TENM3: variants seen among roughly 807,000 people sequenced by gnomAD.
TENM3 encodes the protein teneurin-3.
Under a neutral mutation model 255.1 loss-of-function variants are expected in TENM3, and 63 were observed. That is an observed-to-expected ratio of 0.25 (90% CI 0.20 to 0.30). The LOEUF (loss-of-function observed/expected upper bound fraction) is 0.30, where lower values mean the gene tolerates loss of function less well. TENM3 is among the 10% of genes least tolerant of loss of function. TENM3 has a pLI of 1.00. For synonymous variants in TENM3, 1,306 were observed against 1,322.3 expected (o/e 0.99, Z 0.27); for missense variants, 2,929 against 3,461.1 (o/e 0.85, Z 3.86).
the TENM3 span, among the ~76,000 whole-genome samples, chr4:181,472,148 A>C: frequency 1.3e-5 from 2 of 152,168 alleles, no homozygotes; most frequent in African/African-American, 2.4e-5. Flanking sequence ...GAGCCCCAAC[A>C]AGGCCTATAG....
chr4:182,011,853 A>G, the TENM3 span, among the ~76,000 whole-genome samples: 1 of 152,186 alleles, frequency 6.6e-6, no homozygotes, highest in Non-Finnish European at 1.5e-5. Flanking sequence ...ACTTTCAAGG[A>G]TAGGTCATAT....
At position 182,295,022 on chromosome 4, in the gene TENM3, T is replaced by A. The variant is rs560633722; in HGVS notation, c.-75-28924T>A. On this transcript the variant is annotated intron_variant, in intron 1 of 27. Transcript: ENST00000511685. ...GAGTGGGTGGGGGCAGGGGCTACAG[T>A]TTGACATTTTGATAAAGAATTGGGA... Among the ~76,000 whole-genome samples, 10 of 152,024 alleles carry A rather than the reference T, an allele frequency of 6.6e-5. No homozygotes were observed. In the South Asian group the frequency reaches 2.1e-3, roughly 32 times the overall value.
chr4:182,626,879 G>A (rs1253932833), intron 4 of TENM3, among the ~76,000 whole-genome samples: 3 of 151,870 alleles, frequency 2.0e-5, no homozygotes, highest in East Asian at 3.9e-4. Context: ...CTCTAGTTTT[G>A]CAACCCTGTT....
intron 1 of TENM3, among the ~76,000 whole-genome samples, chr4:182,269,100 C>G (rs1759443858): frequency 6.6e-6 from 1 of 152,130 alleles, no homozygotes. Flanking sequence ...AAATGACTCA[C>G]AATATTAATA....
chr4:182,038,322 A>T, the TENM3 span, among the ~76,000 whole-genome samples: 1 of 152,246 alleles, frequency 6.6e-6, no homozygotes, highest in Non-Finnish European at 1.5e-5. Context: ...TTATTTATAA[A>T]TATAAATAAT....
chr4:181,649,260 A>C, the TENM3 span, among the ~76,000 whole-genome samples: 1 of 152,216 alleles, frequency 6.6e-6, no homozygotes, highest in Non-Finnish European at 1.5e-5. Context: ...CTTTTCCGTC[A>C]GTGATTGAGG....
At chr4:181,644,975 C>T in the TENM3 span, among the ~76,000 whole-genome samples, 1 of 151,828 alleles carries the variant, frequency 6.6e-6, no homozygotes, top group Non-Finnish European at 1.5e-5. Flanking sequence ...GGAGGTTGCC[C>T]TAGACCATGT....
chr4:181,492,260 T>C, the TENM3 span, among the ~76,000 whole-genome samples: 1 of 152,200 alleles, frequency 6.6e-6, no homozygotes, highest in Non-Finnish European at 1.5e-5. Context: ...CTTGTACACA[T>C]TTTGAGAAAA....
chr4:182,448,961 T>G, intron 3 of TENM3: 1 of 394,452 alleles, frequency 2.5e-6, no homozygotes, highest in Non-Finnish European at 5.1e-6. Context: ...CTATCATGTC[T>G]GGCCGCCGCG....
At chr4:182,431,029 A>AAATG (rs1771597302) in intron 3 of TENM3, among the ~76,000 whole-genome samples, 1 of 90,814 alleles carries the variant, frequency 1.1e-5, no homozygotes, top group Non-Finnish European at 2.3e-5. Context: ...ATAAATAAAT[A>AAATG]AATAAATAAA....
chr4:182,346,155 TAAG>T (rs377426625), intron 2 of TENM3, among the ~76,000 whole-genome samples: 66 of 152,184 alleles, frequency 4.3e-4, no homozygotes, highest in African/African-American at 1.3e-3. Flanking sequence ...CGGAAAAATA[TAAG>T]AAGAATGACC....
the TENM3 span, among the ~76,000 whole-genome samples, chr4:181,450,755 G>A: frequency 7.2e-5 from 11 of 152,248 alleles, no homozygotes; most frequent in African/African-American, 2.2e-4. Context: ...CTACATGCGC[G>A]ATTCTAGAAC....
At chr4:182,164,087 T>C (rs1314873659) in intron 1 of TENM3, among the ~76,000 whole-genome samples, 1 of 152,146 alleles carries the variant, frequency 6.6e-6, no homozygotes, top group Non-Finnish European at 1.5e-5. Flanking sequence ...GAGCACCAAA[T>C]CACCAAATGA....
At chr4:181,936,421 G>C in the TENM3 span, among the ~76,000 whole-genome samples, 1 of 152,098 alleles carries the variant, frequency 6.6e-6, no homozygotes, top group East Asian at 1.9e-4. Flanking sequence ...TGTGAGAGTG[G>C]CTGATAGGTA....
At chr4:181,916,549 A>T in the TENM3 span, among the ~76,000 whole-genome samples, 1 of 152,084 alleles carries the variant, frequency 6.6e-6, no homozygotes, top group Non-Finnish European at 1.5e-5. Context: ...GTATGACACA[A>T]ATAGAAATGG....
the TENM3 span, among the ~76,000 whole-genome samples, chr4:181,765,268 T>C: frequency 6.6e-6 from 1 of 152,208 alleles, no homozygotes; most frequent in East Asian, 1.9e-4. Context: ...TTATTATGTA[T>C]TATGTGTAAA....
At chr4:181,702,233 G>A in the TENM3 span, among the ~76,000 whole-genome samples, 3 of 152,154 alleles carry the variant, frequency 2.0e-5, no homozygotes, top group Non-Finnish European at 2.9e-5. Flanking sequence ...TCATTCCTTC[G>A]TTTTTCTGTC....
At chr4:181,694,919 A>T in the TENM3 span, among the ~76,000 whole-genome samples, 1 of 152,156 alleles carries the variant, frequency 6.6e-6, no homozygotes, top group Non-Finnish European at 1.5e-5. Flanking sequence ...TGTCACCTTA[A>T]CTTCAAAGGC....
intron 4 of TENM3, among the ~76,000 whole-genome samples, chr4:182,623,052 C>T (rs1320129212): frequency 6.6e-6 from 1 of 151,274 alleles, no homozygotes. Flanking sequence ...GCTCCATTGC[C>T]CAGGCTGGAG....
Sources: allele counts gnomAD v4.1 joint callset (sites outside exome capture counted in the v4.1 genomes callset), GRCh38; gene constraint gnomAD v4.1.1; transcripts MANE v1.5; gene names NCBI Gene and HGNC (gene_info 2026-07-23, HGNC 2026-07-21).